Variants in SEMA3A observed in about 807,000 individuals in gnomAD.
The protein encoded by SEMA3A is semaphorin-3A.
In SEMA3A, 29 loss-of-function variants were observed where a neutral mutation model predicts 97.9. The observed-to-expected ratio is 0.30, with a 90% CI of 0.22 to 0.40. SEMA3A has a LOEUF of 0.40. Among genes scored for constraint, SEMA3A ranks in the 10% least tolerant of loss-of-function variants. SEMA3A has a pLI of 1.00. For synonymous variants in SEMA3A, 321 were observed against 323.7 expected, an observed-to-expected ratio of 0.99 and a Z score of 0.09; for missense variants, 763 against 951.3, an observed-to-expected ratio of 0.80 and a Z score of 2.60.
At chr7:84,305,320 C>A (rs897342666) in intron 3 of SEMA3A, among the ~76,000 whole-genome samples, 1 of 151,074 alleles carries the variant, frequency 6.6e-6, no homozygotes, top group East Asian at 1.9e-4. Context: ...ATTTTCCAAC[C>A]AATTGATATT....
intron 3 of SEMA3A, among the ~76,000 whole-genome samples, chr7:84,305,408 C>G (rs1414793918): frequency 6.6e-6 from 1 of 151,906 alleles, no homozygotes; most frequent in Non-Finnish European, 1.5e-5. Context: ...CAATTAGATG[C>G]AATATCTGGA....
chr7:84,147,545 T>C lies in SEMA3A; in HGVS notation c.113-12594A>G, dbSNP rs540269033. On this transcript the variant is annotated intron_variant, in intron 1 of 16. Coordinates refer to ENST00000265362, the MANE Select transcript of SEMA3A (RefSeq NM_006080.3). ...GAGAGCTCAGGAGATCACTTAGACA[T>C]ACTCAAGGATCAATCAAGTAAGCAG... Among the ~76,000 whole-genome samples the C allele has an allele frequency of 2.0e-5, 3 of 152,278 alleles. No homozygotes were observed. In the South Asian group the frequency reaches 6.2e-4, roughly 32 times the overall value.
intron 3 of SEMA3A, among the ~76,000 whole-genome samples, chr7:84,212,405 C>A (rs531319577): frequency 6.6e-6 from 1 of 152,302 alleles, no homozygotes; most frequent in African/African-American, 2.4e-5. Context: ...TCATCTACTT[C>A]TCCATTTCCC....
chr7:84,444,125 A>T (rs939143927), intron 1 of SEMA3A, among the ~76,000 whole-genome samples: 7 of 151,958 alleles, frequency 4.6e-5, no homozygotes, highest in African/African-American at 1.7e-4. Flanking sequence ...ACCTTAAGTG[A>T]TCTGCCCAGC....
intron 2 of SEMA3A, among the ~76,000 whole-genome samples, chr7:84,331,550 G>C (rs1443536078): frequency 6.6e-6 from 1 of 151,794 alleles, no homozygotes; most frequent in Non-Finnish European, 1.5e-5. Context: ...ACTAATCATT[G>C]TTCATTATAC....
intron 1 of SEMA3A, among the ~76,000 whole-genome samples, chr7:84,482,649 T>C (rs755125074): frequency 3.3e-5 from 5 of 152,146 alleles, no homozygotes; most frequent in Non-Finnish European, 7.4e-5. Context: ...TTCACATTTT[T>C]CCCTTAAGGC....
At chr7:84,155,885 C>A (rs1796831223) in intron 1 of SEMA3A, among the ~76,000 whole-genome samples, 1 of 151,948 alleles carries the variant, frequency 6.6e-6, no homozygotes, top group Non-Finnish European at 1.5e-5. Context: ...TTTTATTTAA[C>A]CCTATGATAG....
intron 1 of SEMA3A, among the ~76,000 whole-genome samples, chr7:84,454,098 C>G (rs951898283): frequency 1.3e-4 from 20 of 152,188 alleles, no homozygotes; most frequent in African/African-American, 4.8e-4. Flanking sequence ...CCTCAATTCT[C>G]TAGCTTGCAT....
rs35685378 is a variant in SEMA3A at position 83,960,824 on chromosome 7, GT to G, written c.*546del. ...TTCTTCTGGATGATGGATGGCTTAT[GT>G]TTTTTTTTTTTTTTAATATTTCCAC... On this transcript the variant is annotated 3_prime_UTR_variant, in exon 17 of 17. Coordinates refer to ENST00000265362, the MANE Select transcript of SEMA3A (RefSeq NM_006080.3). 39,025 of 143,160 alleles carry G rather than the reference GT, an allele frequency of 0.27. 5,264 individuals carry two copies. Among genetic ancestry groups the G allele is most frequent in the Middle Eastern group, 0.38 (103 of 274 alleles). 8.9% of individuals were successfully genotyped at this position (143,160 alleles called of 1,614,324 possible).
intron 1 of SEMA3A, among the ~76,000 whole-genome samples, chr7:84,181,002 A>C (rs1797719875): frequency 6.6e-6 from 1 of 152,112 alleles, no homozygotes; most frequent in Non-Finnish European, 1.5e-5. Context: ...TTATTAAAAA[A>C]TTGGGAGTAC....
intron 1 of SEMA3A, among the ~76,000 whole-genome samples, chr7:84,478,990 T>A (rs1385462296): frequency 1.3e-5 from 2 of 152,198 alleles, no homozygotes; most frequent in African/African-American, 4.8e-5. Flanking sequence ...TATATACTAA[T>A]GTGCTCCTCA....
At chr7:84,042,519 G>A (rs2888219) in intron 6 of SEMA3A, among the ~76,000 whole-genome samples, 1 of 151,716 alleles carries the variant, frequency 6.6e-6, no homozygotes, top group Non-Finnish European at 1.5e-5. Context: ...CTTCCTAAGC[G>A]TGCTCCACCC....
intron 5 of SEMA3A, among the ~76,000 whole-genome samples, chr7:84,046,980 T>C (rs1792379680): frequency 6.6e-6 from 1 of 152,096 alleles, no homozygotes; most frequent in Admixed American, 6.6e-5. Context: ...AACTAATATT[T>C]TTCTTGCCAG....
intron 4 of SEMA3A, among the ~76,000 whole-genome samples, chr7:84,069,388 G>C (rs957864413): frequency 1.5e-4 from 23 of 152,110 alleles, no homozygotes; most frequent in South Asian, 2.1e-4. Flanking sequence ...CCTTGAAACA[G>C]ATTTATTAAT....
At chr7:84,007,672 G>A (rs955447274) in intron 9 of SEMA3A, among the ~76,000 whole-genome samples, 175 bp from the exon 10 acceptor site, 2 of 151,906 alleles carry the variant, frequency 1.3e-5, no homozygotes, top group Non-Finnish European at 2.9e-5. Context: ...ATACACAAAA[G>A]AACAAAAAAT....
At chr7:84,264,179 C>T (rs1354780462) in intron 3 of SEMA3A, among the ~76,000 whole-genome samples, 10 of 152,018 alleles carry the variant, frequency 6.6e-5, no homozygotes, top group Admixed American at 6.6e-4. Flanking sequence ...TGTCTTCCTT[C>T]TAATACAAGT....
At chr7:84,225,244 G>C (rs1487805412) in intron 3 of SEMA3A, among the ~76,000 whole-genome samples, 1 of 151,988 alleles carries the variant, frequency 6.6e-6, no homozygotes. Context: ...CTAAGTTTGT[G>C]GTCACTGCTC....
intron 4 of SEMA3A, among the ~76,000 whole-genome samples, chr7:84,068,181 C>A (rs1367944139): frequency 4.2e-5 from 6 of 143,132 alleles, no homozygotes; most frequent in Non-Finnish European, 9.0e-5. Context: ...GAACAAAAAA[C>A]CAAACACCGC....
chr7:84,333,166 T>C (rs1431086320), intron 2 of SEMA3A, among the ~76,000 whole-genome samples: 1 of 152,250 alleles, frequency 6.6e-6, no homozygotes, highest in South Asian at 2.1e-4. Context: ...AGAAATAGCT[T>C]TTAAAACTTG....
Sources: allele counts gnomAD v4.1 joint callset (sites outside exome capture counted in the v4.1 genomes callset), GRCh38; gene constraint gnomAD v4.1.1; transcripts MANE v1.5; gene names NCBI Gene and HGNC (gene_info 2026-07-23, HGNC 2026-07-21).